Variants in PRKN observed in about 807,000 individuals in gnomAD.
The protein encoded by PRKN is parkin RBR E3 ubiquitin protein ligase, also known as E3 ubiquitin-protein ligase parkin.
In PRKN, 56 loss-of-function variants were observed where a neutral mutation model predicts 59.5. The observed-to-expected ratio is 0.94, with a 90% CI of 0.76 to 1.18. The LOEUF (loss-of-function observed/expected upper bound fraction) is 1.18, where lower values mean the gene tolerates loss of function less well. PRKN is among the 50% of genes most tolerant of loss of function. PRKN has a pLI of 0.00. For synonymous variants in PRKN, 250 were observed against 222.1 expected (o/e 1.13, Z -1.12); for missense variants, 657 against 596.4 (o/e 1.10, Z -1.06).
intron 9 of PRKN, among the ~76,000 whole-genome samples, chr6:161,490,227 T>C (rs1165874840): frequency 6.6e-6 from 1 of 152,214 alleles, no homozygotes; most frequent in Non-Finnish European, 1.5e-5. Context: ...GAGAGCCATC[T>C]TTGGCATGCT....
Position 161,551,718 on chromosome 6 carries a change from A to G in PRKN, c.934-2715T>C, listed in dbSNP as rs112077291. On this transcript the variant is annotated intron_variant, in intron 8 of 11. Transcript: ENST00000366898. This position sits in a 1 kb window ranked among gnomAD's most constrained non-coding sequence, Gnocchi z 5.2. Reference sequence around the variant, plus strand: ...AGACACTTTTTTAAAGGAGTTTGCCAGTAAAAGGGAGCAGAGATCGGGGAG... The same window carrying G: ...AGACACTTTTTTAAAGGAGTTTGCCGGTAAAAGGGAGCAGAGATCGGGGAG... Among the ~76,000 whole-genome samples, 2,279 of 152,318 alleles carry G rather than the reference A, an allele frequency of 0.015. 72 individuals carry two copies. The highest frequency in any genetic ancestry group is 0.053 in the African/African-American group (2,188 of 41,560).
rs116964354 is a variant in PRKN at position 162,260,376 on chromosome 6, A to G, written c.412+2149T>C. Among the ~76,000 whole-genome samples the G allele has an allele frequency of 7.7e-3, 1,166 of 152,254 alleles. 11 individuals are homozygous for G. The highest frequency in any genetic ancestry group is 0.061 in the East Asian group (317 of 5,166). On this transcript the variant is annotated intron_variant, in intron 3 of 11. Coordinates refer to ENST00000366898, the MANE Select transcript of PRKN (RefSeq NM_004562.3). Reference sequence around the variant, plus strand: ...TTACCACATTCCATAAATTTACTAGAATTTATTCTCTATTGTTTGGGTTGA... The same window carrying G: ...TTACCACATTCCATAAATTTACTAGGATTTATTCTCTATTGTTTGGGTTGA...
rs776681783 is a variant in PRKN at position 161,379,827 on chromosome 6, C to T, written c.1167+6967G>A. Among the ~76,000 whole-genome samples, 10 of 152,240 alleles carry T rather than the reference C, an allele frequency of 6.6e-5. No individual in the cohort carries two copies. Among genetic ancestry groups the T allele is most frequent in the Non-Finnish European group, 1.5e-4 (10 of 68,046 alleles). On this transcript the variant is annotated intron_variant, in intron 10 of 11. Transcript: ENST00000366898. The surrounding 1 kb of genome is among the most constrained non-coding windows in gnomAD (Gnocchi z 4.9). ...CGATTCCCCACAGCATCCTCCAGTACACAGTCTGCACTCGAATCTCAAGCA... is the reference window on the plus strand; with the variant it reads ...CGATTCCCCACAGCATCCTCCAGTATACAGTCTGCACTCGAATCTCAAGCA...
intron 1 of PRKN, among the ~76,000 whole-genome samples, chr6:162,451,262 C>T (rs981552969): frequency 1.5e-4 from 22 of 150,020 alleles, no homozygotes; most frequent in African/African-American, 5.2e-4. Context: ...AAACCATTCT[C>T]GGAGAAAAGA....
chr6:162,137,063 T>C (rs963601745), intron 4 of PRKN, among the ~76,000 whole-genome samples: 13 of 152,100 alleles, frequency 8.5e-5, no homozygotes, highest in African/African-American at 3.1e-4. Context: ...TCATTTTTAA[T>C]GAGACTCTAA....
intron 1 of PRKN, among the ~76,000 whole-genome samples, chr6:162,510,441 T>C (rs911831163): frequency 6.6e-6 from 1 of 152,166 alleles, no homozygotes; most frequent in Non-Finnish European, 1.5e-5. Flanking sequence ...CAAATCTCTG[T>C]ATTTTCTTGG....
chr6:162,390,934 C>T (rs1032206036), intron 2 of PRKN, among the ~76,000 whole-genome samples: 12 of 152,212 alleles, frequency 7.9e-5, no homozygotes, highest in African/African-American at 2.9e-4. Flanking sequence ...ATAGATTATT[C>T]TTAACGTAAG....
chr6:162,618,418 C>T (rs1356551017), intron 1 of PRKN, among the ~76,000 whole-genome samples: 2 of 152,082 alleles, frequency 1.3e-5, no homozygotes, highest in Admixed American at 6.5e-5. Flanking sequence ...ACTGTGATCA[C>T]CAATGACTCT....
At chr6:161,590,272 G>A (rs1425825364) in intron 7 of PRKN, among the ~76,000 whole-genome samples, 8 of 152,056 alleles carry the variant, frequency 5.3e-5, no homozygotes, top group Admixed American at 3.9e-4. Context: ...ACTGAGAAGG[G>A]TACAACATCC....
intron 6 of PRKN, among the ~76,000 whole-genome samples, chr6:161,922,163 C>T (rs1238831480): frequency 6.6e-6 from 1 of 152,082 alleles, no homozygotes; most frequent in African/African-American, 2.4e-5. Flanking sequence ...TCCAATAAAC[C>T]CCCTGTTGTC....
chr6:161,940,225 G>A (rs1052261318), intron 6 of PRKN, among the ~76,000 whole-genome samples: 11 of 151,732 alleles, frequency 7.2e-5, no homozygotes, highest in African/African-American at 2.7e-4. Context: ...CATGCTTGCT[G>A]AAGTATTGAG....
intron 3 of PRKN, among the ~76,000 whole-genome samples, chr6:162,216,911 C>G (rs915701416): frequency 4.6e-5 from 7 of 152,056 alleles, no homozygotes; most frequent in Non-Finnish European, 8.8e-5. Flanking sequence ...GAAACTGATA[C>G]TTCTTATTAG....
intron 7 of PRKN, among the ~76,000 whole-genome samples, chr6:161,760,566 T>A (rs1789154069): frequency 6.6e-6 from 1 of 151,854 alleles, no homozygotes; most frequent in Non-Finnish European, 1.5e-5. Flanking sequence ...CCGGAAGCCG[T>A]CTAGCAGGGA....
Position 161,392,384 on chromosome 6 carries a change from C to CA in PRKN, c.1084-5508dup, listed in dbSNP as rs202036026. On this transcript the variant is annotated intron_variant, in intron 9 of 11. Transcript: ENST00000366898. ...GGGTGACAGGGTGAGACTCTGTCTC[C>CA]AAAAAAAAAGAAAAAGAAAAAATTT... Among the ~76,000 whole-genome samples the CA allele has an allele frequency of 7.6e-4, 112 of 147,512 alleles. 1 individual carries two copies. The highest frequency in any genetic ancestry group is 7.3e-3 in the South Asian group (34 of 4,638).
chr6:162,153,664 AAGAGGCCCTCAGC>A (rs1311316833), intron 4 of PRKN, among the ~76,000 whole-genome samples: 1 of 152,110 alleles, frequency 6.6e-6, no homozygotes, highest in Non-Finnish European at 1.5e-5. Flanking sequence ...TGAGTGATGA[AAGAGGCCCTCAGC>A]AGAGGGGGAG....
chr6:162,254,336 A>G (rs1779559395), intron 3 of PRKN, among the ~76,000 whole-genome samples: 3 of 151,972 alleles, frequency 2.0e-5, no homozygotes, highest in Middle Eastern at 3.2e-3. Flanking sequence ...GGGTGCCTGT[A>G]ATCCCAGCTT....
At chr6:162,713,090 G>A (rs1327091001) in intron 1 of PRKN, among the ~76,000 whole-genome samples, 1 of 152,122 alleles carries the variant, frequency 6.6e-6, no homozygotes, top group African/African-American at 2.4e-5. Context: ...TACTAGACAT[G>A]GGCAATATAC....
rs180829207 is a variant in PRKN, at chr6:162,510,232, A to G, written c.8-66759T>C. On this transcript the variant is annotated intron_variant, in intron 1 of 11. Transcript: ENST00000366898. ...AAAACCAGAGTGGTCCAAAGCAGTT[A>G]GATAAAGTTGAGTATTTTCCTCTTT... Among the ~76,000 whole-genome samples, 61 of 152,360 alleles carry G rather than the reference A, an allele frequency of 4.0e-4. 1 individual carries two copies. Among genetic ancestry groups the G allele is most frequent in the Middle Eastern group, 3.4e-3 (1 of 294 alleles).
chr6:161,729,932 T>C (rs1251427737), intron 7 of PRKN, among the ~76,000 whole-genome samples: 1 of 152,222 alleles, frequency 6.6e-6, no homozygotes, highest in Non-Finnish European at 1.5e-5. Flanking sequence ...CATTCTGACA[T>C]GTTGCATTCT....
Sources: allele counts gnomAD v4.1 joint callset (sites outside exome capture counted in the v4.1 genomes callset), GRCh38; gene constraint gnomAD v4.1.1; non-coding constraint Gnocchi (gnomAD v3.1); transcripts MANE v1.5; gene names NCBI Gene and HGNC (gene_info 2026-07-23, HGNC 2026-07-21).